Variants in CTPS2 observed in about 807,000 individuals in gnomAD.
CTPS2 encodes CTP synthase II.
In CTPS2, 19 loss-of-function variants were observed where a neutral mutation model predicts 46.8. The observed-to-expected ratio is 0.41, with a 90% CI of 0.28 to 0.60. The LOEUF (loss-of-function observed/expected upper bound fraction) is 0.60. CTPS2 is among the 20% of genes least tolerant of loss of function. The pLI, the probability that CTPS2 is intolerant of heterozygous loss-of-function variation, is 0.35. For synonymous variants in CTPS2, 151 were observed against 165.2 expected (o/e 0.91, Z 0.66); for missense variants, 286 against 447.6 (o/e 0.64, Z 3.26).
chrX:16,608,867 T>C (rs1300043353), intron 17 of CTPS2, among the ~76,000 whole-genome samples: 1 of 110,313 alleles, frequency 9.1e-6, no homozygotes, highest in African/African-American at 3.3e-5. Flanking sequence ...GAAAATAAAA[T>C]CCATATAGAT....
intron 13 of CTPS2, among the ~76,000 whole-genome samples, chrX:16,643,095 C>G (rs772550349): frequency 5.4e-5 from 6 of 111,823 alleles, no homozygotes; most frequent in Non-Finnish European, 1.1e-4. Context: ...ACTAATTAAC[C>G]TTTACTGATG....
intron 6 of CTPS2, among the ~76,000 whole-genome samples, chrX:16,692,746 A>G (rs186981689): frequency 7.7e-4 from 86 of 111,093 alleles, no homozygotes; most frequent in Middle Eastern, 4.6e-3. Context: ...AAGGACTTAG[A>G]TGATGATAAA....
At chrX:16,706,498 C>T (rs1489797639) in intron 1 of CTPS2, among the ~76,000 whole-genome samples, 5 of 109,849 alleles carry the variant, frequency 4.6e-5, no homozygotes, top group Non-Finnish European at 9.5e-5. Context: ...CTGAGGCAGG[C>T]GGAACACCTG....
At chrX:16,620,221 T>C (rs1276154446) in intron 15 of CTPS2, 56 bp downstream of exon 15, 1 of 978,926 alleles carries the variant, frequency 1.0e-6, no homozygotes, top group African/African-American at 1.9e-5. Context: ...TTGTAATCAC[T>C]GGGTTCCTCA....
chrX:16,709,870 A>AAAAC (rs1925340824), intron 1 of CTPS2, among the ~76,000 whole-genome samples: 1 of 108,200 alleles, frequency 9.2e-6, no homozygotes, highest in African/African-American at 3.4e-5. Context: ...AAAAAAAAAA[A>AAAAC]AAACAGATTT....
At position 16,681,612 on chromosome X, in the gene CTPS2, T is replaced by C. The variant is rs765943497; in HGVS notation, c.1005+1482A>G. Among the ~76,000 whole-genome samples the C allele has an allele frequency of 6.7e-4, 75 of 111,454 alleles. 1 individual carries two copies. The highest frequency in any genetic ancestry group is 1.2e-3 in the Non-Finnish European group (64 of 53,079). On this transcript the variant is annotated intron_variant, in intron 9 of 18. Transcript: ENST00000359276. ...CCAGGCTGGAGTGCAGTGGCGCAAT[T>C]ATAGCTCACCGCAGTATCAAACTCC...
At chrX:16,648,966 A>G (rs1199121937) in intron 13 of CTPS2, among the ~76,000 whole-genome samples, 1 of 112,144 alleles carries the variant, frequency 8.9e-6, no homozygotes, top group African/African-American at 3.2e-5. Context: ...GTGGAAGTGT[A>G]CAAGTGTTTC....
chrX:16,674,837 CAA>C (rs35273579), intron 10 of CTPS2, among the ~76,000 whole-genome samples: 5 of 53,234 alleles, frequency 9.4e-5, no homozygotes. Context: ...GACTCCGTCT[CAA>C]AAAAAAAAAA....
intron 15 of CTPS2, among the ~76,000 whole-genome samples, chrX:16,618,885 C>A (rs1930671019): frequency 9.0e-6 from 1 of 111,500 alleles, no homozygotes; most frequent in African/African-American, 3.3e-5. Context: ...ATTTTTTGTC[C>A]TCTCCATTAG....
chrX:16,663,223 C>CT (rs1391246991), intron 13 of CTPS2, among the ~76,000 whole-genome samples: 1 of 111,781 alleles, frequency 8.9e-6, no homozygotes, highest in Non-Finnish European at 1.9e-5. Flanking sequence ...TCACAGCTCA[C>CT]TGCAGCTCAA....
chrX:16,644,182 TG>T (rs934695616), intron 13 of CTPS2, among the ~76,000 whole-genome samples: 1 of 109,542 alleles, frequency 9.1e-6, no homozygotes, highest in Non-Finnish European at 1.9e-5. Flanking sequence ...TCTCCAAGGC[TG>T]GGGTGCAGTG....
At chrX:16,685,694 TA>T (rs1569229900) in intron 8 of CTPS2, among the ~76,000 whole-genome samples, 1 of 99,298 alleles carries the variant, frequency 1.0e-5, no homozygotes, top group Admixed American at 1.1e-4. Context: ...CCATCTCTAC[TA>T]AAAAAATACA....
chrX:16,631,022 G>A (rs1181933250), intron 14 of CTPS2, among the ~76,000 whole-genome samples: 1 of 112,070 alleles, frequency 8.9e-6, no homozygotes, highest in East Asian at 2.8e-4. Flanking sequence ...AAGAGTTTCA[G>A]ATCAGCTTGG....
At chrX:16,633,838 C>T (rs774232948) in intron 14 of CTPS2, among the ~76,000 whole-genome samples, 12 of 112,057 alleles carry the variant, frequency 1.1e-4, no homozygotes, top group African/African-American at 1.6e-4. Flanking sequence ...CCTTGCTCAG[C>T]CCTTCTTTCC....
chrX:16,636,605 C>G (rs1931760476), intron 14 of CTPS2, among the ~76,000 whole-genome samples: 1 of 111,406 alleles, frequency 9.0e-6, no homozygotes, highest in Non-Finnish European at 1.9e-5. Flanking sequence ...GTGATGGTTG[C>G]ACAATTCTGT....
At chrX:16,617,757 T>C (rs1930609644) in intron 15 of CTPS2, among the ~76,000 whole-genome samples, 1 of 112,019 alleles carries the variant, frequency 8.9e-6, no homozygotes, top group Non-Finnish European at 1.9e-5. Flanking sequence ...CTTGTGGCCC[T>C]TTCTGGCCCC....
At chrX:16,710,235 A>C (rs759389880) in intron 1 of CTPS2, among the ~76,000 whole-genome samples, 1 of 112,514 alleles carries the variant, frequency 8.9e-6, no homozygotes, top group South Asian at 3.6e-4. Flanking sequence ...AGAGAGGCCA[A>C]GAAGAATGTG....
chrX:16,615,718 TCCACTGTTCATCAAA>T (rs774101834), intron 16 of CTPS2, among the ~76,000 whole-genome samples: 12 of 111,942 alleles, frequency 1.1e-4, no homozygotes, highest in Non-Finnish European at 1.9e-4. Context: ...TACATGGCTG[TCCACTGTTCATCAAA>T]CCTAAGCATA....
intron 13 of CTPS2, among the ~76,000 whole-genome samples, chrX:16,651,942 G>A (rs1932661545): frequency 9.1e-6 from 1 of 109,973 alleles, no homozygotes; most frequent in Non-Finnish European, 1.9e-5. Context: ...CCACTGAAAC[G>A]TGTTCTTGCC....
Sources: allele counts gnomAD v4.1 joint callset (sites outside exome capture counted in the v4.1 genomes callset), GRCh38; gene constraint gnomAD v4.1.1; transcripts MANE v1.5; gene names NCBI Gene and HGNC (gene_info 2026-07-23, HGNC 2026-07-21).